ERBB4: variants seen among roughly 807,000 people sequenced by gnomAD.
ERBB4 encodes erb-b2 receptor tyrosine kinase 4.
Under a neutral mutation model 158.0 loss-of-function variants are expected in ERBB4, and 42 were observed. The observed-to-expected ratio is 0.27, with a 90% CI of 0.21 to 0.34. The LOEUF is 0.34. Among genes scored for constraint, ERBB4 ranks in the 10% least tolerant of loss-of-function variants. The pLI, the probability that ERBB4 is intolerant of heterozygous loss-of-function variation, is 1.00. For synonymous variants in ERBB4, 583 were observed against 558.7 expected, an observed-to-expected ratio of 1.04 and a Z score of -0.61; for missense variants, 1,333 against 1,624.1, an observed-to-expected ratio of 0.82 and a Z score of 3.08.
At chr2:212,343,508 G>T (rs2088825162) in intron 1 of ERBB4, among the ~76,000 whole-genome samples, 1 of 152,064 alleles carries the variant, frequency 6.6e-6, no homozygotes, top group Non-Finnish European at 1.5e-5. Context: ...TAAATGCATT[G>T]AATAGAACAT....
intron 14 of ERBB4, among the ~76,000 whole-genome samples, chr2:211,667,659 C>T (rs536645231): frequency 2.0e-5 from 3 of 152,248 alleles, no homozygotes; most frequent in African/African-American, 7.2e-5. Flanking sequence ...AGACAAGAGA[C>T]ATGCTGATGT....
At chr2:211,448,366 A>T (rs2064162835) in intron 20 of ERBB4, among the ~76,000 whole-genome samples, 1 of 152,130 alleles carries the variant, frequency 6.6e-6, no homozygotes, top group Non-Finnish European at 1.5e-5. Flanking sequence ...TCCAAACAGT[A>T]TTGGAGAATA....
chr2:211,734,137 C>T (rs2074523925), intron 5 of ERBB4, among the ~76,000 whole-genome samples: 1 of 151,812 alleles, frequency 6.6e-6, no homozygotes, highest in Non-Finnish European at 1.5e-5. Context: ...AAAAGAACAT[C>T]ATATTAGGTA....
chr2:211,805,388 A>T (rs552188062), intron 3 of ERBB4, among the ~76,000 whole-genome samples: 1 of 152,234 alleles, frequency 6.6e-6, no homozygotes, highest in Non-Finnish European at 1.5e-5. Flanking sequence ...CTGGAAAGGA[A>T]ATCAGTGGAG....
At chr2:212,056,463 A>G (rs1359831998) in intron 2 of ERBB4, among the ~76,000 whole-genome samples, 2 of 152,212 alleles carry the variant, frequency 1.3e-5, no homozygotes, top group African/African-American at 4.8e-5. Flanking sequence ...AGCAGCTCCA[A>G]GACACATAAT....
intron 1 of ERBB4, among the ~76,000 whole-genome samples, chr2:212,239,746 T>G (rs1323402552): frequency 2.0e-5 from 3 of 152,188 alleles, no homozygotes; most frequent in Non-Finnish European, 4.4e-5. Context: ...TGTGGTATAT[T>G]CCTTCAGACA....
intron 1 of ERBB4, among the ~76,000 whole-genome samples, chr2:212,357,647 A>G (rs2089513535): frequency 6.6e-6 from 1 of 151,596 alleles, no homozygotes; most frequent in African/African-American, 2.4e-5. Flanking sequence ...CACAACCAAC[A>G]TTTTCCTTTG....
chr2:212,394,433 A>T (rs2090965578), intron 1 of ERBB4, among the ~76,000 whole-genome samples: 1 of 152,112 alleles, frequency 6.6e-6, no homozygotes, highest in Non-Finnish European at 1.5e-5. Context: ...TGAAAATTCA[A>T]GTAAATAAGG....
At chr2:212,441,270 C>T (rs2092248422) in intron 1 of ERBB4, among the ~76,000 whole-genome samples, 1 of 152,220 alleles carries the variant, frequency 6.6e-6, no homozygotes, top group African/African-American at 2.4e-5. Flanking sequence ...CTGTCATCAG[C>T]TTTTCCATCT....
intron 20 of ERBB4, among the ~76,000 whole-genome samples, chr2:211,463,146 C>T (rs1053795498): frequency 1.3e-5 from 2 of 152,138 alleles, no homozygotes; most frequent in African/African-American, 4.8e-5. Flanking sequence ...CTGTGATGCC[C>T]TTGCTTAATA....
At chr2:211,779,295 T>C (rs1575136549) in intron 4 of ERBB4, 1 of 152,210 alleles carries the variant, frequency 6.6e-6, no homozygotes, top group Admixed American at 6.5e-5. Context: ...TTAACCGGCA[T>C]CTTATTAGCT....
chr2:212,332,730 G>T (rs1290501763), intron 1 of ERBB4, among the ~76,000 whole-genome samples: 2 of 152,072 alleles, frequency 1.3e-5, no homozygotes, highest in East Asian at 3.9e-4. Context: ...AAGATTGGTG[G>T]TCTTTTTAAT....
chr2:211,890,665 C>T (rs1199529513), intron 3 of ERBB4, among the ~76,000 whole-genome samples: 1 of 132,714 alleles, frequency 7.5e-6, no homozygotes, highest in Non-Finnish European at 1.6e-5. Context: ...AAACCCATCT[C>T]ACGTGCAGAG....
intron 3 of ERBB4, among the ~76,000 whole-genome samples, chr2:211,790,297 C>A (rs1262410796): frequency 2.6e-5 from 4 of 151,568 alleles, no homozygotes; most frequent in Non-Finnish European, 4.4e-5. Flanking sequence ...ATTTTTCAGT[C>A]TACATTTAGA....
chr2:212,023,898 A>G (rs1032190388), intron 2 of ERBB4, among the ~76,000 whole-genome samples: 17 of 151,776 alleles, frequency 1.1e-4, no homozygotes, highest in African/African-American at 4.1e-4. Flanking sequence ...AAAATATACA[A>G]CAAAAACTTA....
chr2:212,467,151 T>G (rs1688879116), intron 1 of ERBB4, among the ~76,000 whole-genome samples: 1 of 151,920 alleles, frequency 6.6e-6, no homozygotes, highest in Non-Finnish European at 1.5e-5. Context: ...GAAAACAGAG[T>G]ATAAAAGTTT....
intron 25 of ERBB4, among the ~76,000 whole-genome samples, chr2:211,399,694 C>G (rs527251052): frequency 6.6e-6 from 1 of 151,926 alleles, no homozygotes; most frequent in Non-Finnish European, 1.5e-5. Flanking sequence ...ATGCGATGAA[C>G]ATTTCACATT....
At chr2:212,341,279 T>C (rs965348951) in intron 1 of ERBB4, among the ~76,000 whole-genome samples, 3 of 151,956 alleles carry the variant, frequency 2.0e-5, no homozygotes, top group Non-Finnish European at 2.9e-5. Flanking sequence ...CTAAGTATTA[T>C]CTTAGAAGTG....
At chr2:212,197,196 C>T (rs958779662) in intron 1 of ERBB4, among the ~76,000 whole-genome samples, 2 of 152,062 alleles carry the variant, frequency 1.3e-5, no homozygotes, top group Non-Finnish European at 2.9e-5. Context: ...ATGACTAGAC[C>T]TAAGCCAAAC....
Sources: gnomAD v4.1 joint callset for allele counts (sites outside exome capture counted in the v4.1 genomes callset) on GRCh38, gnomAD v4.1.1 for gene constraint, MANE v1.5 for transcripts, NCBI Gene and HGNC (gene_info 2026-07-23, HGNC 2026-07-21) for gene names.